The following CELSR3 variants were observed in gnomAD, a reference collection of about 807,000 sequenced individuals.
CELSR3 encodes cadherin EGF LAG seven-pass G-type receptor 3.
In CELSR3, 73 loss-of-function variants were observed where a neutral mutation model predicts 270.0. The observed-to-expected ratio is 0.27, with a 90% confidence interval of 0.22 to 0.33. The LOEUF (loss-of-function observed/expected upper bound fraction) is 0.33, where lower values mean the gene tolerates loss of function less well. Ranked by LOEUF, CELSR3 falls within the 10% of genes least tolerant of loss-of-function variation. The probability of loss-of-function intolerance (pLI) is 1.00; values close to 1 mark genes in which losing one functional copy is unlikely to be tolerated. For synonymous variants in CELSR3, 1,780 were observed against 1,905.4 expected (o/e 0.93, Z 1.71); for missense variants, 3,614 against 4,533.8 (o/e 0.80, Z 5.83).
rs762612898 is a variant in CELSR3 at position 48,662,585 on chromosome 3, G to C, written c.50C>G (p.Pro17Arg). The C allele has an allele frequency of 6.6e-7, 1 of 1,512,224 alleles. No homozygotes were observed. Among genetic ancestry groups the C allele is most frequent in the Non-Finnish European group, 8.9e-7 (1 of 1,128,172 alleles). 93.7% of individuals were successfully genotyped at this position (1,512,224 alleles called of 1,614,324 possible). Residue 17 changes from proline to arginine, a missense_variant, in exon 1 of 35, where the codon CCC (proline) becomes CGC (arginine). Physicochemically the swap from Pro to Arg is moderately radical, Grantham distance 103. Coordinates refer to ENST00000164024, the MANE Select transcript of CELSR3 (RefSeq NM_001407.3). This position sits in a 1 kb window ranked among gnomAD's most constrained non-coding sequence, Gnocchi z 7.1. ...AGAGAGGAGAAGGAGCAGGAGTATG[G>C]GGGTCGACCGTCCCCCGAGGCCCCG... ...PWRGLGGRST[P>R]ILLLLLLSLF...
chr3:48,639,565 C>G lies in CELSR3; in HGVS notation c.9911+109G>C. 3 of 1,461,064 alleles carry G rather than the reference C, an allele frequency of 2.1e-6. No individual in the cohort carries two copies. Among genetic ancestry groups the G allele is most frequent in the Non-Finnish European group, 1.9e-6 (2 of 1,074,346 alleles). The allele number at this position is 1,461,064 out of a possible 1,614,324, so 90.5% of individuals were successfully genotyped here. ...GCTGTGCTGAGCCTGGGGTAGCCCA[C>G]ACCTGTCTGCCAGCCCTCATCCCCT... On this transcript the variant is annotated intron_variant, in intron 34 of 34. Coordinates refer to ENST00000164024, the MANE Select transcript of CELSR3 (RefSeq NM_001407.3). This position sits in a 1 kb window ranked among gnomAD's most constrained non-coding sequence, Gnocchi z 4.1.
In CELSR3 at chr3:48,647,979, T is replaced by C. The variant is rs967849094; in HGVS notation, c.6991A>G (p.Met2331Val). The change falls in exon 20 of 35, where the codon ATG becomes GTG. Residue 2331 changes from methionine (M) to valine (V), a missense_variant. By Grantham distance (21) the Met-to-Val change is conservative. This residue lies in a region of CELSR3 where 1,240 missense variants were observed against 1,351.7 expected (regional missense o/e 0.92). Transcript: ENST00000164024. ...TPNIMLSIDR[M>V]EHPSSPRGAR... ...CCCCGGGGAGAACTGGGGTGCTCCA[T>C]GCGGTCAATGCTGAGCACTACCCAG... is the stretch of plus-strand genomic sequence containing the variant. 1.2e-6 allele frequency: 2 copies of C among 1,612,072 alleles called. No homozygotes were observed. The highest frequency in any genetic ancestry group is 1.3e-5 in the African/African-American group (1 of 74,934).
In CELSR3 at chr3:48,644,815, G is replaced by A. The variant is rs763822603; in HGVS notation, c.7986C>T (p.Gly2662=). Residue 2662 remains glycine (G), a synonymous_variant, in exon 26 of 35, where the codon GGC becomes GGT. Coordinates refer to ENST00000164024, the MANE Select transcript of CELSR3 (RefSeq NM_001407.3). The surrounding 1 kb of genome is among the most constrained non-coding windows in gnomAD (Gnocchi z 4.8). Reference sequence around the variant, plus strand: ...GGTTCCCATAGCCCTCAGGGTCCAGGCCCACAGCAAGGCCTTGGGAAGAGA... The same window carrying A: ...GGTTCCCATAGCCCTCAGGGTCCAGACCCACAGCAAGGCCTTGGGAAGAGA... ...VPAVLLGLAV[G]LDPEGYGNPD... 6.2e-7 allele frequency: 1 copy of A among 1,613,192 alleles called. No individual in the cohort carries two copies. Among genetic ancestry groups the A allele is most frequent in the Non-Finnish European group, 8.5e-7 (1 of 1,179,794 alleles).
At position 48,640,740 on chromosome 3, in the gene CELSR3, C is replaced by A; in HGVS notation, c.9026-181G>T. Reference sequence around the variant, plus strand: ...CCCAGAGAGGCAGCAGGACAGGGGTCAGAGTGGAAGGGCAGTCATCTTCCA... The same window carrying A: ...CCCAGAGAGGCAGCAGGACAGGGGTAAGAGTGGAAGGGCAGTCATCTTCCA... On this transcript the variant is annotated intron_variant, in intron 33 of 34. Coordinates refer to ENST00000164024, the MANE Select transcript of CELSR3 (RefSeq NM_001407.3). The surrounding 1 kb of genome is among the most constrained non-coding windows in gnomAD (Gnocchi z 7.5). The A allele has an allele frequency of 8.4e-6, 5 of 595,872 alleles. No individual in the cohort carries two copies. The highest frequency in any genetic ancestry group is 3.1e-5 in the East Asian group (1 of 32,716). The allele number at this position is 595,872 out of a possible 1,614,324, so 36.9% of individuals were successfully genotyped here.
chr3:48,661,687 A>C lies in CELSR3; in HGVS notation c.948T>G (p.Arg316=). 1 of 1,579,752 alleles carries C rather than the reference A, an allele frequency of 6.3e-7. No individual in the cohort carries two copies. The highest frequency in any genetic ancestry group is 8.6e-7 in the Non-Finnish European group (1 of 1,161,696). Residue 316 remains arginine (R), a synonymous_variant, in exon 1 of 35, where the codon CGT becomes CGG. Coordinates refer to ENST00000164024, the MANE Select transcript of CELSR3 (RefSeq NM_001407.3). The stretch of plus-strand genomic sequence containing the variant: ...ACTGCGGGTGGCGGTTTGCGGCGCG[A>C]CGAAAGCGTGCCCGGTTCGCCGAGG... ...KVTSANRARF[R]RAANRHPQFP...
rs1281079953 is a variant in CELSR3, at chr3:48,640,140, G to A, written c.9445C>T (p.Pro3149Ser). 5 of 1,612,408 alleles carry A rather than the reference G, an allele frequency of 3.1e-6. No homozygotes were observed. The highest frequency in any genetic ancestry group is 3.4e-6 in the Non-Finnish European group (4 of 1,179,922). The change falls in exon 34 of 35, where the codon CCT (proline) becomes TCT (serine). Residue 3149 changes from proline to serine, a missense_variant. Physicochemically the swap from Pro to Ser is moderately conservative, Grantham distance 74 (BLOSUM62 -1). Around this residue, in one of 7 missense-constraint regions of CELSR3, gnomAD observed 1,240 missense variants for 1,351.7 expected, o/e 0.92. Transcript: ENST00000164024. The surrounding 1 kb of genome is among the most constrained non-coding windows in gnomAD (Gnocchi z 7.5). The part of the protein sequence containing the change: ...GSRDALDLGA[P>S]REWLSTLPPP... ...GGCAGCGTGCTCAACCACTCTCGAG[G>A]TGCCCCTAAGTCGAGCGCATCCCGT...
Position 48,640,539 on chromosome 3 carries a change from G to T in CELSR3, c.9046C>A (p.Gln3016Lys), listed in dbSNP as rs780163107. Reference sequence around the variant, plus strand: ...CGGGTCTGTGGCACCAGTGGGTATTGCAACCGGTTCTTCAGGATGCCTGTG... The same window carrying T: ...CGGGTCTGTGGCACCAGTGGGTATTTCAACCGGTTCTTCAGGATGCCTGTG... ...QRKGILKNRL[Q>K]YPLVPQTRGA... Residue 3016 changes from glutamine to lysine, a missense_variant, in exon 34 of 35, where the codon CAA (glutamine) becomes AAA (lysine). Gln to Lys is a moderately conservative substitution (Grantham distance 53). Around this residue, in one of 7 missense-constraint regions of CELSR3, gnomAD observed 1,240 missense variants for 1,351.7 expected, o/e 0.92. Coordinates refer to ENST00000164024, the MANE Select transcript of CELSR3 (RefSeq NM_001407.3). This position sits in a 1 kb window ranked among gnomAD's most constrained non-coding sequence, Gnocchi z 7.5. The T allele has an allele frequency of 2.1e-5, 33 of 1,593,932 alleles. No individual in the cohort carries two copies. Among genetic ancestry groups the T allele is most frequent in the Non-Finnish European group, 2.7e-5 (32 of 1,167,900 alleles).
chr3:48,650,663 C>G lies in CELSR3; in HGVS notation c.6371-82G>C. On this transcript the variant is annotated intron_variant, in intron 15 of 34. Transcript: ENST00000164024. The surrounding 1 kb of genome is among the most constrained non-coding windows in gnomAD (Gnocchi z 5.1). The stretch of plus-strand genomic sequence containing the variant: ...ACACCCACTGCCCCTCCACCACCCC[C>G]CACAAGGCCCACTGCCCGCCACTCC... The G allele has an allele frequency of 8.4e-7, 1 of 1,184,924 alleles. No individual in the cohort carries two copies. The highest frequency in any genetic ancestry group is 1.2e-6 in the Non-Finnish European group (1 of 842,832). The allele number at this position is 1,184,924 out of a possible 1,614,324, so 73.4% of individuals were successfully genotyped here. A position where few individuals can be genotyped will look rare whatever the true frequency, so the allele number is the denominator to read the frequency against.
In CELSR3 at chr3:48,641,277, C is replaced by T. The variant is rs1451577463; in HGVS notation, c.9025+47G>A. On this transcript the variant is annotated intron_variant, in intron 33 of 34. Coordinates refer to ENST00000164024, the MANE Select transcript of CELSR3 (RefSeq NM_001407.3). The surrounding 1 kb of genome is among the most constrained non-coding windows in gnomAD (Gnocchi z 4.8). ...GCAATCCCTTGGCTCAGGGCATGAG[C>T]AGCCCCCAGCGTGTCTGCGGTGTGG... 7.9e-7 allele frequency: 1 copy of T among 1,259,538 alleles called. No individual in the cohort carries two copies. The highest frequency in any genetic ancestry group is 1.2e-6 in the Non-Finnish European group (1 of 863,418). The allele number at this position is 1,259,538 out of a possible 1,614,324, so 78.0% of individuals were successfully genotyped here.
Position 48,645,507 on chromosome 3 carries a change from A to G in CELSR3, c.7733T>C (p.Val2578Ala). 6.2e-7 allele frequency: 1 copy of G among 1,612,842 alleles called. No homozygotes were observed. The change falls in exon 24 of 35, where the codon GTG becomes GCG. Residue 2578 changes from valine to alanine, a missense_variant. Physicochemically the swap from Val to Ala is moderately conservative, Grantham distance 64. This residue lies in a region of CELSR3 where 1,240 missense variants were observed against 1,351.7 expected (regional missense o/e 0.92). Coordinates refer to ENST00000164024, the MANE Select transcript of CELSR3 (RefSeq NM_001407.3). This position sits in a 1 kb window ranked among gnomAD's most constrained non-coding sequence, Gnocchi z 5.4. ...CTCTGCCACCCCCAGGGCGGCTGCC[A>G]CATTGGCATGGATCCCACGCACATT... ...KSNVRGIHAN[V>A]AAALGVAELL...
chr3:48,661,558 G>A lies in CELSR3; in HGVS notation c.1077C>T (p.Arg359=). ...AQDPDAGEAG[R]LVYSLAALMN... ...TGAGTGCCGCCAGCGAGTAGACTAG[G>A]CGCCCGGCCTCGCCGGCGTCCGGGT... Residue 359 remains arginine (R), a synonymous_variant, in exon 1 of 35, where the codon CGC becomes CGT. Coordinates refer to ENST00000164024, the MANE Select transcript of CELSR3 (RefSeq NM_001407.3). 6.2e-7 allele frequency: 1 copy of A among 1,608,514 alleles called. No homozygotes were observed. Among genetic ancestry groups the A allele is most frequent in the Non-Finnish European group, 8.5e-7 (1 of 1,178,806 alleles).
chr3:48,640,912 G>GCAGT lies in CELSR3; in HGVS notation c.9026-357_9026-354dup, dbSNP rs1003648536. The GCAGT allele has an allele frequency of 2.4e-5, 10 of 423,184 alleles. No individual in the cohort carries two copies. The highest frequency in any genetic ancestry group is 4.2e-5 in the Non-Finnish European group (10 of 236,118). 26.2% of individuals were successfully genotyped at this position (423,184 alleles called of 1,614,324 possible). ...CAGGAACCCCCCGGGTTGGACAGGAGCAGTCCCCAGGTCCCTGTGATGCAA... is the reference window on the plus strand; with the variant it reads ...CAGGAACCCCCCGGGTTGGACAGGAGCAGTCAGTCCCCAGGTCCCTGTGATGCAA... On this transcript the variant is annotated intron_variant, in intron 33 of 34. Transcript: ENST00000164024. This position sits in a 1 kb window ranked among gnomAD's most constrained non-coding sequence, Gnocchi z 7.5.
Position 48,662,272 on chromosome 3 carries a change from G to C in CELSR3, c.363C>G (p.Arg121=). ...CTGGTCCCTGTCCTGTCTCTCGTTC[G>C]CGGCTGCCCAATGGCTGGACGCCGT... is the stretch of plus-strand genomic sequence containing the variant. The part of the protein sequence containing the change: ...IEHGVQPLGS[R]ERETGQGPGS... The change falls in exon 1 of 35, where the codon CGC becomes CGG. Residue 121 remains arginine (R), a synonymous_variant. Coordinates refer to ENST00000164024, the MANE Select transcript of CELSR3 (RefSeq NM_001407.3). This position sits in a 1 kb window ranked among gnomAD's most constrained non-coding sequence, Gnocchi z 7.1. 6.2e-7 allele frequency: 1 copy of C among 1,613,114 alleles called. No homozygotes were observed.
rs2047133893 is a variant in CELSR3 at position 48,651,181 on chromosome 3, A to C, written c.6187-106T>G. ...GAACAGTGCTCATGGGCCAGAGGACACCTGGGTCATGCGTGAAGCCAAGGG... is the reference window on the plus strand; with the variant it reads ...GAACAGTGCTCATGGGCCAGAGGACCCCTGGGTCATGCGTGAAGCCAAGGG... On this transcript the variant is annotated intron_variant, in intron 14 of 34. Coordinates refer to ENST00000164024, the MANE Select transcript of CELSR3 (RefSeq NM_001407.3). This position sits in a 1 kb window ranked among gnomAD's most constrained non-coding sequence, Gnocchi z 7.4. 2 of 1,436,438 alleles carry C rather than the reference A, an allele frequency of 1.4e-6. No individual in the cohort carries two copies. The highest frequency in any genetic ancestry group is 1.9e-6 in the Non-Finnish European group (2 of 1,049,540). 89.0% of individuals were successfully genotyped at this position (1,436,438 alleles called of 1,614,324 possible).
Position 48,645,102 on chromosome 3 carries a change from G to T in CELSR3, c.7905C>A (p.Arg2635=). ...AGCGCATGGCGCCGCGGTCCACGTTGCGTGGCTCAACCTGCATGCGGTAGA... is the reference window on the plus strand; with the variant it reads ...AGCGCATGGCGCCGCGGTCCACGTTTCGTGGCTCAACCTGCATGCGGTAGA... ...LHLYRMQVEP[R]NVDRGAMRFY... Residue 2635 remains arginine, a synonymous_variant, in exon 25 of 35, where the codon CGC becomes CGA. Coordinates refer to ENST00000164024, the MANE Select transcript of CELSR3 (RefSeq NM_001407.3). This position sits in a 1 kb window ranked among gnomAD's most constrained non-coding sequence, Gnocchi z 5.4. 6.2e-7 allele frequency: 1 copy of T among 1,604,874 alleles called. No homozygotes were observed. Among genetic ancestry groups the T allele is most frequent in the Non-Finnish European group, 8.5e-7 (1 of 1,173,476 alleles).
rs566532168 is a variant in CELSR3 at position 48,657,614 on chromosome 3, G to T, written c.3749-266C>A. ...TCAAGCAACCCCACACAGTGCCCAT[G>T]GGTTAGCAAGTCACTCCCGCAACAG... On this transcript the variant is annotated intron_variant, in intron 1 of 34. Transcript: ENST00000164024. This position sits in a 1 kb window ranked among gnomAD's most constrained non-coding sequence, Gnocchi z 5.4. Among the ~76,000 whole-genome samples, 1 of 152,290 alleles carries T rather than the reference G, an allele frequency of 6.6e-6. No homozygotes were observed.
chr3:48,656,470 G>A (rs930940444), intron 2 of CELSR3, 105 bp from the exon 3 acceptor site: 10 of 1,187,334 alleles, frequency 8.4e-6, no homozygotes, highest in Middle Eastern at 3.0e-4. Flanking sequence ...ACCCCCGAAA[G>A]GTCGCCCTCT....
chr3:48,645,878 C>T lies in CELSR3; in HGVS notation c.7464-10G>A. 6.3e-7 allele frequency: 1 copy of T among 1,591,486 alleles called. No individual in the cohort carries two copies. The highest frequency in any genetic ancestry group is 8.6e-7 in the Non-Finnish European group (1 of 1,166,040). On this transcript the variant is annotated splice_polypyrimidine_tract_variant and intron_variant, in intron 22 of 34. Coordinates refer to ENST00000164024, the MANE Select transcript of CELSR3 (RefSeq NM_001407.3). The surrounding 1 kb of genome is among the most constrained non-coding windows in gnomAD (Gnocchi z 5.4). The stretch of plus-strand genomic sequence containing the variant: ...ACCATGCTGCTCCGCCCTGCAGCCA[C>T]AGGGCAGTTAGACACAACTGTGACC...
rs1483034500 is a variant in CELSR3 at position 48,641,590 on chromosome 3, T to G, written c.8825-66A>C. 5 of 1,232,244 alleles carry G rather than the reference T, an allele frequency of 4.1e-6. No individual in the cohort carries two copies. The East Asian group carries it at 1.2e-4, about 29-fold the overall frequency. 76.3% of individuals were successfully genotyped at this position (1,232,244 alleles called of 1,614,324 possible). On this transcript the variant is annotated intron_variant, in intron 32 of 34. Coordinates refer to ENST00000164024, the MANE Select transcript of CELSR3 (RefSeq NM_001407.3). This position sits in a 1 kb window ranked among gnomAD's most constrained non-coding sequence, Gnocchi z 4.8. ...CCCAGTGACTCATGACCCCTGACCC[T>G]AATGACCCTTGAAACCCTGGCTGTT...
Sources: allele counts gnomAD v4.1 joint callset (sites outside exome capture counted in the v4.1 genomes callset), GRCh38; gene constraint gnomAD v4.1.1; regional missense constraint gnomAD v4.1.1; non-coding constraint Gnocchi (gnomAD v3.1); transcripts MANE v1.5; gene names NCBI Gene and HGNC (gene_info 2026-07-23, HGNC 2026-07-21).